The following GAD2 variants were observed in gnomAD, a reference collection of about 807,000 sequenced individuals.
GAD2 encodes glutamate decarboxylase 2, also known as 65 kDa glutamic acid decarboxylase.
Under a neutral mutation model 80.1 loss-of-function variants are expected in GAD2, and 22 were observed. The ratio of observed to expected loss-of-function variants is 0.27; its 90% CI spans 0.20 to 0.39. The LOEUF (loss-of-function observed/expected upper bound fraction) is 0.39, where lower values mean the gene tolerates loss of function less well. Among genes scored for constraint, GAD2 ranks in the 10% least tolerant of loss-of-function variants. The pLI is 1.00. For missense variants in GAD2, 624 were observed against 738.4 expected (o/e 0.85, Z 1.80); for synonymous variants, 274 against 256.9 (o/e 1.07, Z -0.64).
chr10:26,297,646 C>A (rs1221664345), intron 15 of GAD2, among the ~76,000 whole-genome samples: 1 of 152,180 alleles, frequency 6.6e-6, no homozygotes, highest in Non-Finnish European at 1.5e-5. Flanking sequence ...AGTGAAATCT[C>A]TATGTATTTC....
intron 11 of GAD2, among the ~76,000 whole-genome samples, chr10:26,275,821 G>A (rs1315746307): frequency 6.6e-6 from 1 of 152,114 alleles, no homozygotes; most frequent in Non-Finnish European, 1.5e-5. Context: ...CAAATCCAGA[G>A]GATCCTTAGT....
At chr10:26,272,256 C>T (rs1845145668) in intron 10 of GAD2, among the ~76,000 whole-genome samples, 1 of 152,114 alleles carries the variant, frequency 6.6e-6, no homozygotes, top group Non-Finnish European at 1.5e-5. Context: ...CTGAACTATC[C>T]GATATCATTA....
At chr10:26,265,670 T>C (rs776138282) in intron 8 of GAD2, among the ~76,000 whole-genome samples, 8 of 152,216 alleles carry the variant, frequency 5.3e-5, no homozygotes, top group Admixed American at 6.5e-5. Flanking sequence ...GCCACTTAAC[T>C]GTAAGCTTAA....
At chr10:26,239,876 G>A (rs1188124162) in intron 7 of GAD2, among the ~76,000 whole-genome samples, 1 of 152,198 alleles carries the variant, frequency 6.6e-6, no homozygotes, top group African/African-American at 2.4e-5. Context: ...AACGCACCAG[G>A]TAGACAGAGT....
In GAD2 at chr10:26,245,924, C is replaced by A; in HGVS notation, c.844C>A (p.His282Asn). The change falls in exon 8 of 16, where the codon CAT (histidine) becomes AAT (asparagine). Residue 282 changes from histidine (H) to asparagine (N), a missense_variant. By Grantham distance (68) the His-to-Asn change is moderately conservative. Transcript: ENST00000376261. ...RLIAFTSEHSHFSLKKGAAAL... is the reference protein window; with the variant it reads ...RLIAFTSEHSNFSLKKGAAAL... ...AATATATATATTTTTTTTACAGAGT[C>A]ATTTTTCTCTCAAGAAGGGAGCTGC... is the stretch of plus-strand genomic sequence containing the variant. 1 of 1,611,796 alleles carries A rather than the reference C, an allele frequency of 6.2e-7. No individual in the cohort carries two copies. The highest frequency in any genetic ancestry group is 8.5e-7 in the Non-Finnish European group (1 of 1,178,114).
chr10:26,233,990 G>A (rs889343573), intron 7 of GAD2, among the ~76,000 whole-genome samples: 7 of 152,098 alleles, frequency 4.6e-5, no homozygotes, highest in Admixed American at 1.3e-4. Context: ...CAGTGCCTGG[G>A]ACACAGAGAG....
intron 7 of GAD2, among the ~76,000 whole-genome samples, chr10:26,234,062 G>A (rs371804562): frequency 1.3e-5 from 2 of 152,260 alleles, no homozygotes; most frequent in East Asian, 1.9e-4. Flanking sequence ...GGTGGCTCAC[G>A]CCTGTAATCC....
intron 4 of GAD2, among the ~76,000 whole-genome samples, chr10:26,221,470 T>C (rs1378279164): frequency 1.3e-5 from 2 of 152,212 alleles, no homozygotes; most frequent in Non-Finnish European, 2.9e-5. Flanking sequence ...TTAGATTTGG[T>C]GCTAGTGGTG....
intron 7 of GAD2, among the ~76,000 whole-genome samples, chr10:26,232,468 A>ATTTTTTTTTTTTTTT (rs1564658024): frequency 7.6e-6 from 1 of 131,690 alleles, no homozygotes; most frequent in African/African-American, 3.0e-5. Context: ...AACTCAGTCT[A>ATTTTTTTTTTTTTTT]CTTTTTTTTT....
chr10:26,220,612 C>A (rs1334272892), intron 4 of GAD2, among the ~76,000 whole-genome samples: 2 of 152,120 alleles, frequency 1.3e-5, no homozygotes. Flanking sequence ...ATTTTCCTAC[C>A]CCTCCTCAGC....
Position 26,269,177 on chromosome 10 carries a change from A to C in GAD2, c.975+4A>C, listed in dbSNP as rs747572219. ...GATTCTTGAAGCCAAACAGAAAGTA[A>C]GTTTCTGCCGGGAGCTTTATCCAGC... is the stretch of plus-strand genomic sequence containing the variant. On this transcript the variant is annotated splice_donor_region_variant and intron_variant, in intron 9 of 15. Coordinates refer to ENST00000376261, the MANE Select transcript of GAD2 (RefSeq NM_001134366.2). The C allele has an allele frequency of 1.3e-6, 2 of 1,594,242 alleles. No individual in the cohort carries two copies. Among genetic ancestry groups the C allele is most frequent in the Non-Finnish European group, 1.7e-6 (2 of 1,169,156 alleles).
At position 26,217,635 on chromosome 10, in the gene GAD2, G is replaced by C. The variant is rs767671941; in HGVS notation, c.102G>C (p.Gln34His). 4 of 1,613,724 alleles carry C rather than the reference G, an allele frequency of 2.5e-6. No homozygotes were observed. In the South Asian group the frequency reaches 4.4e-5, roughly 18 times the overall value. Residue 34 changes from glutamine (Q) to histidine (H), a missense_variant, in exon 2 of 16, where the codon CAG becomes CAC. Coordinates refer to ENST00000376261, the MANE Select transcript of GAD2 (RefSeq NM_001134366.2). The surrounding 1 kb of genome is among the most constrained non-coding windows in gnomAD (Gnocchi z 4.9). ...CGCGAGCCTGGTGCCAAGTGGCTCA[G>C]AAGTTCACGGGCGGCATCGGAAACA... ...GTARAWCQVA[Q>H]KFTGGIGNKL...
rs1019365191 is a variant in GAD2, at chr10:26,301,372, A to C, written c.*411A>C. 6.6e-6 allele frequency: 1 copy of C among 152,352 alleles called. No homozygotes were observed. The highest frequency in any genetic ancestry group is 2.4e-5 in the African/African-American group (1 of 41,372). 9.4% of individuals were successfully genotyped at this position (152,352 alleles called of 1,614,324 possible). A position where few individuals can be genotyped will look rare whatever the true frequency, so the allele number is the denominator to read the frequency against. ...TATAAAATATATGTTGACAATAAAA[A>C]CTCTTGCCTTTTTCATAGTATTAGA... On this transcript the variant is annotated 3_prime_UTR_variant, in exon 16 of 16. Coordinates refer to ENST00000376261, the MANE Select transcript of GAD2 (RefSeq NM_001134366.2).
intron 12 of GAD2, among the ~76,000 whole-genome samples, chr10:26,285,388 A>G (rs906276188): frequency 6.6e-6 from 1 of 152,252 alleles, no homozygotes; most frequent in Non-Finnish European, 1.5e-5. Context: ...CGTGAGTCAC[A>G]AAAGAAACAA....
At chr10:26,270,818 C>A in intron 10 of GAD2, 62 bp downstream of exon 10, 1 of 1,051,952 alleles carries the variant, frequency 9.5e-7, no homozygotes, top group African/African-American at 1.6e-5. Flanking sequence ...GTGGGACACA[C>A]AAAGGAAATT....
intron 11 of GAD2, among the ~76,000 whole-genome samples, chr10:26,274,317 A>C (rs1443587283): frequency 6.6e-6 from 1 of 152,248 alleles, no homozygotes; most frequent in Non-Finnish European, 1.5e-5. Context: ...CTGTTGAGAA[A>C]AGCTGAAAAA....
chr10:26,292,164 T>C (rs3781108), intron 13 of GAD2, among the ~76,000 whole-genome samples: 49,046 of 152,058 alleles, frequency 0.32, 11,168 homozygotes, highest in African/African-American at 0.65. Context: ...TCCATGATTA[T>C]TCCTATGAAT....
intron 15 of GAD2, among the ~76,000 whole-genome samples, chr10:26,295,008 C>T (rs936979393): frequency 1.3e-5 from 2 of 152,106 alleles, no homozygotes; most frequent in Non-Finnish European, 2.9e-5. Flanking sequence ...ACTAGTTTGG[C>T]TGATTTCATT....
chr10:26,273,495 C>T (rs1356197118), intron 10 of GAD2, 141 bp from the exon 11 acceptor site: 2 of 708,446 alleles, frequency 2.8e-6, no homozygotes, highest in African/African-American at 3.6e-5. Context: ...GGTGTAAACT[C>T]TGAAGGTTAG....
Sources: allele counts gnomAD v4.1 joint callset (sites outside exome capture counted in the v4.1 genomes callset), GRCh38; gene constraint gnomAD v4.1.1; non-coding constraint Gnocchi (gnomAD v3.1); transcripts MANE v1.5; gene names NCBI Gene and HGNC (gene_info 2026-07-23, HGNC 2026-07-21).